Variants in SPTBN1 observed in about 807,000 individuals in gnomAD.
The protein encoded by SPTBN1 is spectrin beta chain, non-erythrocytic 1.
Under a neutral mutation model 266.4 loss-of-function variants are expected in SPTBN1, and 32 were observed. That is an observed-to-expected ratio of 0.12 (90% confidence interval 0.09 to 0.16). The LOEUF is 0.16. Among genes scored for constraint, SPTBN1 ranks in the 10% least tolerant of loss-of-function variants. The pLI is 1.00. For missense variants in SPTBN1, 2,296 were observed against 3,067.1 expected, an observed-to-expected ratio of 0.75 and a Z score of 5.94; for synonymous variants, 1,336 against 1,162.2, an observed-to-expected ratio of 1.15 and a Z score of -3.04.
intron 16 of SPTBN1, among the ~76,000 whole-genome samples, 199 bp downstream of exon 16, chr2:54,631,810 A>G (rs1346120009): frequency 1.3e-5 from 2 of 152,236 alleles, no homozygotes; most frequent in South Asian, 2.1e-4. Flanking sequence ...GAAAGTTGCC[A>G]TAAGAGCTGC....
intron 2 of SPTBN1, among the ~76,000 whole-genome samples, chr2:54,598,632 C>T (rs1263057787): frequency 6.6e-6 from 1 of 152,140 alleles, no homozygotes; most frequent in African/African-American, 2.4e-5. Context: ...ATATACTCAC[C>T]TTTTGGAGGA....
intron 29 of SPTBN1, among the ~76,000 whole-genome samples, 185 bp downstream of exon 29, chr2:54,656,183 A>G (rs1323672292): frequency 6.6e-6 from 1 of 152,090 alleles, no homozygotes; most frequent in Non-Finnish European, 1.5e-5. Flanking sequence ...TGGCGTAGTC[A>G]TTTTTCACCT....
intron 2 of SPTBN1, among the ~76,000 whole-genome samples, chr2:54,587,157 T>C (rs548336492): frequency 1.3e-5 from 2 of 152,354 alleles, no homozygotes; most frequent in South Asian, 4.1e-4. Context: ...TCTCTCTCAA[T>C]ACCTCTGCTT....
chr2:54,459,226 T>C (rs1367008643), intron 1 of SPTBN1, among the ~76,000 whole-genome samples: 2 of 152,202 alleles, frequency 1.3e-5, no homozygotes, highest in Non-Finnish European at 2.9e-5. Flanking sequence ...AGGAGAAGTA[T>C]TGGGCAGTGA....
rs1671375304 is a variant in SPTBN1, at chr2:54,533,339, A to G, written c.148+6773A>G. 6.8e-6 allele frequency among the ~76,000 whole-genome samples: 1 copy of G among 147,608 alleles called. No individual in the cohort carries two copies. Reference sequence around the variant, plus strand: ...AACCATGGAAAGTGAAACCCAGGCTAAAGGGGACTAGTGTGTGTGTGTGTG... The same window carrying G: ...AACCATGGAAAGTGAAACCCAGGCTGAAGGGGACTAGTGTGTGTGTGTGTG... On this transcript the variant is annotated intron_variant, in intron 2 of 35. Coordinates refer to ENST00000356805, the MANE Select transcript of SPTBN1 (RefSeq NM_003128.3). This position sits in a 1 kb window ranked among gnomAD's most constrained non-coding sequence, Gnocchi z 4.2.
intron 32 of SPTBN1, chr2:54,660,808 C>T: frequency 1.0e-6 from 1 of 985,448 alleles, no homozygotes; most frequent in Non-Finnish European, 1.2e-6. Flanking sequence ...CTGACTGCTG[C>T]CGCCACCTCT....
intron 2 of SPTBN1, among the ~76,000 whole-genome samples, chr2:54,588,356 TTTC>T (rs1675432261): frequency 6.6e-6 from 1 of 152,182 alleles, no homozygotes; most frequent in African/African-American, 2.4e-5. Context: ...TTATGAGTTT[TTTC>T]TTCTTGTTTT....
intron 26 of SPTBN1, chr2:54,652,769 T>C (rs544971807): frequency 8.5e-5 from 13 of 152,366 alleles, no homozygotes; most frequent in African/African-American, 2.9e-4. Flanking sequence ...GATGACACAT[T>C]ACAGTATCTC....
chr2:54,489,334 A>G (rs917726852), intron 1 of SPTBN1, among the ~76,000 whole-genome samples: 3 of 151,918 alleles, frequency 2.0e-5, no homozygotes. Flanking sequence ...AAAAAAAAAA[A>G]TAGTAAATGG....
chr2:54,641,648 C>A (rs754592271), intron 18 of SPTBN1, among the ~76,000 whole-genome samples: 2 of 152,134 alleles, frequency 1.3e-5, no homozygotes, highest in Non-Finnish European at 2.9e-5. Flanking sequence ...ATCTCACTAC[C>A]TTTTGCTTTT....
At chr2:54,656,987 C>T (rs1032112134) in intron 29 of SPTBN1, among the ~76,000 whole-genome samples, 4 of 152,206 alleles carry the variant, frequency 2.6e-5, no homozygotes, top group African/African-American at 7.2e-5. Flanking sequence ...TGGGGGCTAC[C>T]GAGGTGCTGA....
chr2:54,546,068 TAACAAG>T (rs1672219987), intron 2 of SPTBN1, among the ~76,000 whole-genome samples: 1 of 152,200 alleles, frequency 6.6e-6, no homozygotes, highest in African/African-American at 2.4e-5. Flanking sequence ...AGAGTGTTAT[TAACAAG>T]AACTAGTGTA....
At chr2:54,469,373 C>T (rs1206933625) in intron 1 of SPTBN1, among the ~76,000 whole-genome samples, 1 of 150,336 alleles carries the variant, frequency 6.7e-6, no homozygotes, top group Admixed American at 6.6e-5. Flanking sequence ...AAATGGCCTT[C>T]TTCTGGGGTT....
intron 3 of SPTBN1, among the ~76,000 whole-genome samples, chr2:54,604,722 T>C (rs906634042): frequency 4.6e-5 from 7 of 152,056 alleles, no homozygotes; most frequent in African/African-American, 1.7e-4. Flanking sequence ...GATGGAGATA[T>C]GGCTGGTAAA....
chr2:54,563,533 C>A (rs1482270524), intron 2 of SPTBN1, among the ~76,000 whole-genome samples: 1 of 143,280 alleles, frequency 7.0e-6, no homozygotes, highest in Non-Finnish European at 1.5e-5. Flanking sequence ...TTTTAAATTT[C>A]TTAACTCTTA....
Position 54,665,955 on chromosome 2 carries a change from A to G in SPTBN1, c.6700A>G (p.Met2234Val), listed in dbSNP as rs758775514. The G allele has an allele frequency of 3.7e-6, 6 of 1,613,980 alleles. No homozygotes were observed. In the Admixed American group the frequency reaches 1.0e-4, roughly 27 times the overall value. ...TTATTGTGTCATAAATAACCAAGAA[A>G]TGGGTTTCTACAAAGATGCAAAGAC... is the stretch of plus-strand genomic sequence containing the variant. ...NVYCVINNQEMGFYKDAKTAA... is the reference protein window; with the variant it reads ...NVYCVINNQEVGFYKDAKTAA... The change falls in exon 34 of 36, where the codon ATG becomes GTG. Residue 2234 changes from methionine to valine, a missense_variant. By Grantham distance (21) the Met-to-Val change is conservative. Transcript: ENST00000356805.
intron 1 of SPTBN1, among the ~76,000 whole-genome samples, chr2:54,525,446 C>A (rs907490238): frequency 2.0e-5 from 3 of 151,912 alleles, no homozygotes; most frequent in Non-Finnish European, 2.9e-5. Flanking sequence ...GTTGGTCAGG[C>A]TGAACTGGAA....
intron 7 of SPTBN1, 83 bp downstream of exon 7, chr2:54,618,276 T>C (rs1339733946): frequency 3.3e-6 from 4 of 1,195,596 alleles, no homozygotes; most frequent in Non-Finnish European, 4.7e-6. Context: ...TGTGTCAGTC[T>C]GTTTCATTTG....
At chr2:54,481,676 A>G (rs1316285006) in intron 1 of SPTBN1, among the ~76,000 whole-genome samples, 1 of 152,148 alleles carries the variant, frequency 6.6e-6, no homozygotes, top group Non-Finnish European at 1.5e-5. Flanking sequence ...TCCCCAGTGA[A>G]AAAGCACAGG....
Sources: gnomAD v4.1 joint callset for allele counts (sites outside exome capture counted in the v4.1 genomes callset) on GRCh38, gnomAD v4.1.1 for gene constraint, Gnocchi (gnomAD v3.1) non-coding constraint, MANE v1.5 for transcripts, NCBI Gene and HGNC (gene_info 2026-07-23, HGNC 2026-07-21) for gene names.